The following CFAP47 variants were observed in gnomAD, a reference collection of about 807,000 sequenced individuals.
The protein encoded by CFAP47 is cilia and flagella associated protein 47.
CFAP47 carries 29 observed loss-of-function variants against 148.1 expected under a neutral mutation model. The ratio of observed to expected loss-of-function variants is 0.20; its 90% CI spans 0.15 to 0.27. CFAP47 has a LOEUF of 0.27. Ranked by LOEUF, CFAP47 falls within the 10% of genes least tolerant of loss-of-function variation. The pLI is 1.00. For synonymous variants in CFAP47, 664 were observed against 577.3 expected (o/e 1.15, Z -2.15); for missense variants, 1,872 against 1,697.5 (o/e 1.10, Z -1.81).
chrX:35,989,333 T>G lies in CFAP47; in HGVS notation c.2728T>G (p.Tyr910Asp). The change falls in exon 16 of 64, where the codon TAT becomes GAT. Residue 910 changes from tyrosine to aspartate, a missense_variant. Tyr to Asp is a radical substitution (Grantham distance 160). Transcript: ENST00000378653. ...ATTTTCCGTAGGCACTGTTGAAGCA[T>G]ATTCCTCACTGGAATGTGAAGTAAC... ...ICPAKGTVEA[Y>D]SSLECEVTWQ... 2 of 1,203,552 alleles carry G rather than the reference T, an allele frequency of 1.7e-6. No homozygotes were observed. Among genetic ancestry groups the G allele is most frequent in the Non-Finnish European group, 2.3e-6 (2 of 887,801 alleles).
chrX:36,031,685 A>C (rs1937280922), intron 23 of CFAP47, among the ~76,000 whole-genome samples: 1 of 109,873 alleles, frequency 9.1e-6, no homozygotes, highest in Non-Finnish European at 1.9e-5. Context: ...ATTAATATGA[A>C]ATATATTCCA....
intron 2 of CFAP47, among the ~76,000 whole-genome samples, chrX:35,939,485 C>CT (rs1482491353): frequency 1.1e-5 from 1 of 89,543 alleles, no homozygotes; most frequent in Non-Finnish European, 2.2e-5. Flanking sequence ...TGATGCTCCC[C>CT]TTCCTGTGTC....
At chrX:36,033,048 C>T (rs1248796857) in intron 23 of CFAP47, among the ~76,000 whole-genome samples, 1 of 111,823 alleles carries the variant, frequency 8.9e-6, no homozygotes, top group African/African-American at 3.2e-5. Context: ...CAGAAAGGAA[C>T]ACAGTTCCTG....
intron 46 of CFAP47, among the ~76,000 whole-genome samples, chrX:36,230,621 C>G (rs1484277278): frequency 1.8e-5 from 2 of 109,409 alleles, no homozygotes; most frequent in Non-Finnish European, 3.8e-5. Context: ...TTAATTAGAT[C>G]CCATTTGTCA....
intron 49 of CFAP47, among the ~76,000 whole-genome samples, chrX:36,259,810 C>T (rs1478244676): frequency 3.6e-5 from 4 of 111,182 alleles, no homozygotes; most frequent in Admixed American, 9.6e-5. Flanking sequence ...ACTTTGTCAC[C>T]AAGGTATTTA....
At chrX:36,245,379 C>A (rs1189893346) in intron 48 of CFAP47, among the ~76,000 whole-genome samples, 1 of 111,788 alleles carries the variant, frequency 8.9e-6, no homozygotes, top group Non-Finnish European at 1.9e-5. Context: ...ATCCAAATGA[C>A]AAAAGAAGAA....
intron 49 of CFAP47, among the ~76,000 whole-genome samples, chrX:36,272,574 C>T (rs782530812): frequency 1.7e-4 from 19 of 110,752 alleles, no homozygotes; most frequent in African/African-American, 2.3e-4. Context: ...CTGGATTTGA[C>T]TCTTTCTGAC....
chrX:36,095,802 T>C (rs748084701), intron 30 of CFAP47, among the ~76,000 whole-genome samples: 14 of 111,789 alleles, frequency 1.3e-4, no homozygotes, highest in Admixed American at 2.9e-4. Flanking sequence ...TTTGTTTATC[T>C]TGTCAAAAAA....
chrX:36,102,197 G>C (rs1160826958), intron 32 of CFAP47, among the ~76,000 whole-genome samples: 1 of 111,469 alleles, frequency 9.0e-6, no homozygotes, highest in Non-Finnish European at 1.9e-5. Context: ...CCTGAGTATG[G>C]ATCACAAAAT....
At chrX:36,174,925 C>T (rs1410699121) in intron 39 of CFAP47, among the ~76,000 whole-genome samples, 2 of 111,850 alleles carry the variant, frequency 1.8e-5, no homozygotes, top group African/African-American at 6.5e-5. Flanking sequence ...CTCCCCGTCA[C>T]TTTCAGGTAC....
intron 8 of CFAP47, among the ~76,000 whole-genome samples, chrX:35,964,035 T>C (rs945551827): frequency 8.9e-6 from 1 of 111,937 alleles, no homozygotes; most frequent in Non-Finnish European, 1.9e-5. Context: ...TATTTATCTA[T>C]GTAGGTAGTT....
intron 22 of CFAP47, among the ~76,000 whole-genome samples, chrX:36,026,050 A>T (rs902795686): frequency 8.9e-5 from 10 of 112,043 alleles, no homozygotes; most frequent in African/African-American, 2.9e-4. Context: ...TCCAAAAAGT[A>T]CATATGTAAC....
chrX:36,053,827 A>C (rs1170469883), intron 26 of CFAP47, among the ~76,000 whole-genome samples: 2 of 112,551 alleles, frequency 1.8e-5, no homozygotes, highest in African/African-American at 6.5e-5. Flanking sequence ...TAAAATTTGC[A>C]TAGAAATGCA....
intron 35 of CFAP47, among the ~76,000 whole-genome samples, chrX:36,139,783 C>T (rs767087970): frequency 1.4e-4 from 16 of 111,837 alleles, no homozygotes; most frequent in Admixed American, 1.4e-3. Context: ...TGATATCTTA[C>T]ACCTGCTGGA....
At chrX:36,091,453 A>T (rs1179679139) in intron 30 of CFAP47, among the ~76,000 whole-genome samples, 1 of 111,591 alleles carries the variant, frequency 9.0e-6, no homozygotes, top group Admixed American at 9.6e-5. Flanking sequence ...TGGAGACATC[A>T]TCTCATTGCA....
chrX:36,035,354 G>A (rs1305878036), intron 23 of CFAP47, among the ~76,000 whole-genome samples: 1 of 111,346 alleles, frequency 9.0e-6, no homozygotes, highest in African/African-American at 3.3e-5. Flanking sequence ...TCACACATTT[G>A]TAAGACAGTG....
chrX:36,145,878 G>GAA (rs11439684), intron 36 of CFAP47, among the ~76,000 whole-genome samples: 7 of 97,793 alleles, frequency 7.2e-5, no homozygotes, highest in South Asian at 4.5e-4. Context: ...AAAAATTGAA[G>GAA]AAAAAAAAAA....
intron 15 of CFAP47, among the ~76,000 whole-genome samples, chrX:35,988,920 A>G (rs1235084522): frequency 1.8e-5 from 2 of 112,300 alleles, no homozygotes; most frequent in Non-Finnish European, 3.8e-5. Flanking sequence ...GCTGACAAGT[A>G]GTATTCCAGA....
chrX:35,948,034 C>T (rs866099522), intron 3 of CFAP47, among the ~76,000 whole-genome samples: 41 of 111,476 alleles, frequency 3.7e-4, no homozygotes, highest in Admixed American at 1.1e-3. Flanking sequence ...CCCTGAGCTA[C>T]GTTGGAAGAA....
Sources: allele counts gnomAD v4.1 joint callset (sites outside exome capture counted in the v4.1 genomes callset), GRCh38; gene constraint gnomAD v4.1.1; transcripts MANE v1.5; gene names NCBI Gene and HGNC (gene_info 2026-07-23, HGNC 2026-07-21).